SAMD8: variants seen among roughly 807,000 people sequenced by gnomAD.
SAMD8 encodes sphingomyelin synthase-related protein 1.
A neutral mutation model predicts 42.0 loss-of-function variants in SAMD8; 20 were observed. The ratio of observed to expected loss-of-function variants is 0.48; its 90% CI spans 0.34 to 0.69. The LOEUF is 0.69. SAMD8 is among the 30% of genes least tolerant of loss of function. The pLI, the probability that SAMD8 is intolerant of heterozygous loss-of-function variation, is 0.01. For synonymous variants in SAMD8, 162 were observed against 173.0 expected, an observed-to-expected ratio of 0.94 and a Z score of 0.50; for missense variants, 328 against 511.6, an observed-to-expected ratio of 0.64 and a Z score of 3.46.
intron 2 of SAMD8, among the ~76,000 whole-genome samples, chr10:75,157,584 G>A (rs1481742825): frequency 6.6e-6 from 1 of 152,182 alleles, no homozygotes; most frequent in Non-Finnish European, 1.5e-5. Context: ...AGAGGAGGAT[G>A]GAGGCTTGAG....
intron 2 of SAMD8, among the ~76,000 whole-genome samples, chr10:75,154,404 TG>T (rs1840364119): frequency 6.6e-6 from 1 of 152,180 alleles, no homozygotes; most frequent in Non-Finnish European, 1.5e-5. Context: ...TGTGGCTGTC[TG>T]GGGAAAATAG....
At chr10:75,106,197 C>G (rs1345415816) in intron 1 of SAMD8, among the ~76,000 whole-genome samples, 1 of 150,990 alleles carries the variant, frequency 6.6e-6, no homozygotes, top group Non-Finnish European at 1.5e-5. Flanking sequence ...CCACCTTGGC[C>G]TCCCAAAGTG....
chr10:75,152,376 G>C (rs1840309495), intron 2 of SAMD8, among the ~76,000 whole-genome samples: 1 of 150,276 alleles, frequency 6.7e-6, no homozygotes, highest in South Asian at 2.1e-4. Flanking sequence ...CAAAAAATTA[G>C]CCGGGCATAG....
Position 75,123,218 on chromosome 10 carries a change from AGGGGGTTGG to A in SAMD8, c.-16+11498_-16+11506del, listed in dbSNP as rs1484952207. On this transcript the variant is annotated intron_variant, in intron 1 of 5. Transcript: ENST00000542569. ...CACCCCACCCCACCCCACCCTGTGC[AGGGGGTTGG>A]GCGGGTAAAGGAGATGAGGGTTGTG... 1.3e-4 allele frequency among the ~76,000 whole-genome samples: 13 copies of A among 100,302 alleles called. No homozygotes were observed. In the East Asian group the frequency reaches 5.4e-3, roughly 42 times the overall value. 65.8% of individuals were successfully genotyped at this position (100,302 alleles called of 152,430 possible). A position where few individuals can be genotyped will look rare whatever the true frequency, so the allele number is the denominator to read the frequency against.
At chr10:75,120,754 T>C (rs1336126189) in intron 1 of SAMD8, among the ~76,000 whole-genome samples, 1 of 151,686 alleles carries the variant, frequency 6.6e-6, no homozygotes. Flanking sequence ...TACGTTGTTA[T>C]GTTGAAAAGT....
intron 2 of SAMD8, among the ~76,000 whole-genome samples, chr10:75,164,113 T>G (rs995407677): frequency 6.6e-6 from 1 of 152,048 alleles, no homozygotes; most frequent in Admixed American, 6.6e-5. Context: ...GCCACTTAGG[T>G]GGCTGAGGTG....
intron 2 of SAMD8, among the ~76,000 whole-genome samples, chr10:75,158,999 T>C (rs34736786): frequency 0.02 from 3,101 of 152,286 alleles, 46 homozygotes; most frequent in Non-Finnish European, 0.034. Context: ...TTGGCTATTA[T>C]TAATAATGCT....
intron 3 of SAMD8, among the ~76,000 whole-genome samples, chr10:75,167,094 G>A (rs922922783): frequency 3.9e-5 from 6 of 152,176 alleles, no homozygotes; most frequent in African/African-American, 1.4e-4. Flanking sequence ...TGTTGTCACA[G>A]TGCAGTTCAT....
At chr10:75,153,247 G>C (rs1840333934) in intron 2 of SAMD8, among the ~76,000 whole-genome samples, 1 of 152,032 alleles carries the variant, frequency 6.6e-6, no homozygotes. Flanking sequence ...CTCCCAAAGT[G>C]CTGGGATTAC....
At chr10:75,137,522 A>AAAGT (rs1839917636) in intron 1 of SAMD8, among the ~76,000 whole-genome samples, 1 of 151,808 alleles carries the variant, frequency 6.6e-6, no homozygotes, top group Non-Finnish European at 1.5e-5. Flanking sequence ...CCTGGGTGAC[A>AAAGT]GAGTGAGACT....
At chr10:75,128,055 A>AT (rs922057955) in intron 1 of SAMD8, among the ~76,000 whole-genome samples, 5 of 135,780 alleles carry the variant, frequency 3.7e-5, no homozygotes, top group East Asian at 4.2e-4. Context: ...TCTGGCTCTG[A>AT]TTTTTTTTTC....
chr10:75,160,607 G>A (rs554519358), intron 2 of SAMD8, among the ~76,000 whole-genome samples: 2 of 152,102 alleles, frequency 1.3e-5, no homozygotes, highest in African/African-American at 4.8e-5. Context: ...CATTTGACAG[G>A]TTCCTCACAA....
At chr10:75,150,481 C>CTTTTG in intron 1 of SAMD8, 33 bp from the exon 2 acceptor site, 1 of 1,559,518 alleles carries the variant, frequency 6.4e-7, no homozygotes, top group Non-Finnish European at 8.6e-7. Context: ...CATACTGAAG[C>CTTTTG]TTTTGTTTTG....
upstream of SAMD8, among the ~76,000 whole-genome samples, chr10:75,110,910 G>T (rs954464550): frequency 3.9e-5 from 6 of 152,076 alleles, no homozygotes; most frequent in Admixed American, 6.5e-5. Context: ...CCATTTCCCG[G>T]GTTCAAGCGA....
chr10:75,101,981 T>C, intron 1 of SAMD8: 2 of 1,364,614 alleles, frequency 1.5e-6, no homozygotes, highest in South Asian at 2.3e-5. Context: ...GATTTGAGTT[T>C]AATTATAAAG....
chr10:75,130,145 AAT>A (rs1212764549), intron 1 of SAMD8, among the ~76,000 whole-genome samples: 1 of 152,132 alleles, frequency 6.6e-6, no homozygotes, highest in Non-Finnish European at 1.5e-5. Context: ...TGAATATCAT[AAT>A]GTCTTTATAT....
At chr10:75,150,278 AATT>A in intron 1 of SAMD8, 3 of 193,588 alleles carry the variant, frequency 1.5e-5, no homozygotes, top group Non-Finnish European at 2.5e-5. Flanking sequence ...CCCAGGCTAA[AATT>A]TTTTTTTTTT....
chr10:75,180,380 T>A lies in SAMD8; in HGVS notation c.*3688T>A, dbSNP rs914121762. 5.9e-5 allele frequency: 9 copies of A among 152,252 alleles called. No individual in the cohort carries two copies. The highest frequency in any genetic ancestry group is 2.2e-4 in the African/African-American group (9 of 41,410). 9.4% of individuals were successfully genotyped at this position (152,252 alleles called of 1,614,324 possible). ...GAGTTCGAGGCCAGCCTGGCCAATG[T>A]GGTGAAACTCCGTCTCTACTAAAAA... is the stretch of plus-strand genomic sequence containing the variant. On this transcript the variant is annotated 3_prime_UTR_variant, in exon 6 of 6. Coordinates refer to ENST00000542569, the MANE Select transcript of SAMD8 (RefSeq NM_001174156.2).
chr10:75,172,107 G>C (rs946844761), intron 4 of SAMD8, among the ~76,000 whole-genome samples: 2 of 151,920 alleles, frequency 1.3e-5, no homozygotes, highest in African/African-American at 2.4e-5. Context: ...ACATGTATGC[G>C]TGTCAGCTTT....
Sources: gnomAD v4.1 joint callset for allele counts (sites outside exome capture counted in the v4.1 genomes callset) on GRCh38, gnomAD v4.1.1 for gene constraint, MANE v1.5 for transcripts, NCBI Gene and HGNC (gene_info 2026-07-23, HGNC 2026-07-21) for gene names.